RAB38: variants seen among roughly 807,000 people sequenced by gnomAD.
RAB38 encodes RAB38, member RAS oncogene family, also known as ras-related protein Rab-38.
Under a neutral mutation model 18.4 loss-of-function variants are expected in RAB38, and 15 were observed. The observed-to-expected ratio is 0.82, with a 90% confidence interval of 0.55 to 1.26. The LOEUF (loss-of-function observed/expected upper bound fraction) is 1.26, where lower values mean the gene tolerates loss of function less well. Ranked by LOEUF, RAB38 falls within the 50% of genes most tolerant of loss-of-function variation. The pLI, the probability that RAB38 is intolerant of heterozygous loss-of-function variation, is 0.00. For synonymous variants in RAB38, 101 were observed against 104.4 expected, an observed-to-expected ratio of 0.97 and a Z score of 0.20; for missense variants, 294 against 267.4, an observed-to-expected ratio of 1.10 and a Z score of -0.69.
At chr11:87,863,725 T>C in the RAB38 span, among the ~76,000 whole-genome samples, 2 of 151,802 alleles carry the variant, frequency 1.3e-5, no homozygotes, top group East Asian at 3.9e-4. Flanking sequence ...TTTCTATCTA[T>C]ATTAAAGACA....
the RAB38 span, among the ~76,000 whole-genome samples, chr11:87,849,334 A>C: frequency 6.6e-6 from 1 of 152,132 alleles, no homozygotes; most frequent in Non-Finnish European, 1.5e-5. Context: ...TTCTACTTTT[A>C]AACTGCTCTT....
the RAB38 span, among the ~76,000 whole-genome samples, chr11:88,054,569 A>G: frequency 6.6e-6 from 1 of 152,220 alleles, no homozygotes; most frequent in East Asian, 1.9e-4. Flanking sequence ...TGGATGTGAC[A>G]TAATCTCTGT....
the RAB38 span, among the ~76,000 whole-genome samples, chr11:87,828,556 T>C: frequency 6.6e-6 from 1 of 152,154 alleles, no homozygotes; most frequent in Non-Finnish European, 1.5e-5. Context: ...TTTCTGCCTG[T>C]TGCATATAGC....
At chr11:88,049,497 C>G in the RAB38 span, among the ~76,000 whole-genome samples, 1 of 151,436 alleles carries the variant, frequency 6.6e-6, no homozygotes, top group East Asian at 2.0e-4. Flanking sequence ...CTACCCAAAT[C>G]TTATAAAACG....
chr11:88,137,034 G>C (rs764594019), intron 2 of RAB38, among the ~76,000 whole-genome samples: 13 of 152,240 alleles, frequency 8.5e-5, no homozygotes, highest in Non-Finnish European at 1.9e-4. Flanking sequence ...AAATATGGCA[G>C]CTGGGCTACT....
chr11:88,050,467 G>A, the RAB38 span, among the ~76,000 whole-genome samples: 5 of 152,180 alleles, frequency 3.3e-5, no homozygotes, highest in East Asian at 1.9e-4. Context: ...ATGATTGTAC[G>A]TATGCCTACT....
the RAB38 span, among the ~76,000 whole-genome samples, chr11:87,839,577 C>T: frequency 3.3e-5 from 5 of 152,100 alleles, no homozygotes; most frequent in East Asian, 5.8e-4. Flanking sequence ...CAAAATTACA[C>T]GATTTAAGTT....
the RAB38 span, among the ~76,000 whole-genome samples, chr11:88,066,773 C>T: frequency 6.6e-6 from 1 of 152,190 alleles, no homozygotes; most frequent in Non-Finnish European, 1.5e-5. Flanking sequence ...TAGGTTTTTC[C>T]TCTCAATTTC....
the RAB38 span, among the ~76,000 whole-genome samples, chr11:87,818,523 A>T: frequency 1.3e-5 from 2 of 152,146 alleles, no homozygotes; most frequent in African/African-American, 4.8e-5. Flanking sequence ...TAAAATTTGG[A>T]TACAGGCACT....
the RAB38 span, among the ~76,000 whole-genome samples, chr11:88,069,858 A>C: frequency 1.3e-5 from 2 of 149,032 alleles, no homozygotes; most frequent in Non-Finnish European, 3.0e-5. Context: ...TGGAGAACTT[A>C]TACCTCTAGC....
the RAB38 span, among the ~76,000 whole-genome samples, chr11:87,867,311 G>A: frequency 3.3e-5 from 5 of 151,726 alleles, no homozygotes; most frequent in Non-Finnish European, 5.9e-5. Flanking sequence ...TTGTCTCCAC[G>A]AGGCAGTTTT....
chr11:88,159,101 T>G (rs77322852), intron 1 of RAB38, among the ~76,000 whole-genome samples: 1 of 151,666 alleles, frequency 6.6e-6, no homozygotes, highest in Non-Finnish European at 1.5e-5. Flanking sequence ...AATTTTGGGA[T>G]GCAAAAATCA....
chr11:87,840,215 T>C, the RAB38 span, among the ~76,000 whole-genome samples: 1 of 152,112 alleles, frequency 6.6e-6, no homozygotes, highest in Non-Finnish European at 1.5e-5. Context: ...CAAATGAAAA[T>C]TAATGTCACT....
At chr11:87,871,237 A>G in the RAB38 span, among the ~76,000 whole-genome samples, 5 of 151,738 alleles carry the variant, frequency 3.3e-5, 1 homozygote, top group South Asian at 1.0e-3. Context: ...AAATGCCTAG[A>G]TTCCAGAGCA....
chr11:87,910,633 C>CT, the RAB38 span, among the ~76,000 whole-genome samples: 1,054 of 131,024 alleles, frequency 8.0e-3, 171 homozygotes, highest in African/African-American at 0.034. Context: ...AGTTCATTTT[C>CT]TTTTTTTTTT....
chr11:88,064,629 G>C, the RAB38 span, among the ~76,000 whole-genome samples: 1 of 152,272 alleles, frequency 6.6e-6, no homozygotes, highest in African/African-American at 2.4e-5. Context: ...GAAGCAACTA[G>C]CATTAATTAC....
At chr11:87,934,328 A>T in the RAB38 span, among the ~76,000 whole-genome samples, 1 of 152,082 alleles carries the variant, frequency 6.6e-6, no homozygotes, top group Non-Finnish European at 1.5e-5. Context: ...CTAACTTTCG[A>T]TCCCCCTTTG....
the RAB38 span, among the ~76,000 whole-genome samples, chr11:87,864,347 C>T: frequency 1.3e-5 from 2 of 150,000 alleles, no homozygotes; most frequent in East Asian, 2.0e-4. Context: ...TATATTATAT[C>T]ATATAATGTT....
chr11:87,886,827 T>G, the RAB38 span, among the ~76,000 whole-genome samples: 3,581 of 151,138 alleles, frequency 0.024, 74 homozygotes, highest in Admixed American at 0.04. Flanking sequence ...AGCACTTGTT[T>G]TTTTTTTTTT....
Sources: allele counts gnomAD v4.1 joint callset (sites outside exome capture counted in the v4.1 genomes callset), GRCh38; gene constraint gnomAD v4.1.1; transcripts MANE v1.5; gene names NCBI Gene and HGNC (gene_info 2026-07-23, HGNC 2026-07-21).